The following PMP2 variants were observed in gnomAD, a reference collection of about 807,000 sequenced individuals.
The protein encoded by PMP2 is peripheral myelin protein 2.
In PMP2, 11 loss-of-function variants were observed where a neutral mutation model predicts 15.9. The ratio of observed to expected loss-of-function variants is 0.69; its 90% CI spans 0.44 to 1.14. The LOEUF (loss-of-function observed/expected upper bound fraction) is 1.14. PMP2 is among the 50% of genes most tolerant of loss of function. The pLI, the probability that PMP2 is intolerant of heterozygous loss-of-function variation, is 0.00. For missense variants in PMP2, 151 were observed against 154.0 expected (o/e 0.98, Z 0.10); for synonymous variants, 55 against 54.1 (o/e 1.02, Z -0.07).
At position 81,442,029 on chromosome 8, in the gene PMP2, C is replaced by A. The variant is rs918796792; in HGVS notation, c.*1369G>T. 6.6e-6 allele frequency: 1 copy of A among 152,076 alleles called. No individual in the cohort carries two copies. The allele number at this position is 152,076 out of a possible 1,614,324, so 9.4% of individuals were successfully genotyped here. A position where few individuals can be genotyped will look rare whatever the true frequency, so the allele number is the denominator to read the frequency against. Reference sequence around the variant, plus strand: ...TAGTAAATATATGCATGTGTATACACACACGCACATAAATGCATGTGTATT... The same window carrying A: ...TAGTAAATATATGCATGTGTATACAAACACGCACATAAATGCATGTGTATT... On this transcript the variant is annotated 3_prime_UTR_variant, in exon 4 of 4. Coordinates refer to ENST00000256103, the MANE Select transcript of PMP2 (RefSeq NM_002677.5).
intron 3 of PMP2, 23 bp from the exon 4 acceptor site, chr8:81,443,471 T>G (rs1807393071): frequency 4.6e-6 from 7 of 1,528,786 alleles, no homozygotes; most frequent in Middle Eastern, 1.7e-4. Flanking sequence ...AGAGGTTAAT[T>G]GAGTATCTCA....
rs1379866253 is a variant in PMP2, at chr8:81,442,234, C to CCATCAACATCAACATGTTTTCT, written c.*1142_*1163dup. 1 of 152,406 alleles carries CCATCAACATCAACATGTTTTCT rather than the reference C, an allele frequency of 6.6e-6. No individual in the cohort carries two copies. Among genetic ancestry groups the CCATCAACATCAACATGTTTTCT allele is most frequent in the Non-Finnish European group, 1.5e-5 (1 of 67,934 alleles). 9.4% of individuals were successfully genotyped at this position (152,406 alleles called of 1,614,324 possible). On this transcript the variant is annotated 3_prime_UTR_variant, in exon 4 of 4. Coordinates refer to ENST00000256103, the MANE Select transcript of PMP2 (RefSeq NM_002677.5). ...TTTTCCATAGTGAACATCCTGACTC[C>CCATCAACATCAACATGTTTTCT]CATCAACATCAACATGTTTTCTCAT...
At position 81,444,989 on chromosome 8, in the gene PMP2, C is replaced by T. The variant is rs376781525; in HGVS notation, c.74G>A (p.Gly25Asp). Residue 25 changes from glycine to aspartate, a missense_variant and splice_region_variant, in exon 2 of 4, where the codon GGT (glycine) becomes GAT (aspartate). Coordinates refer to ENST00000256103, the MANE Select transcript of PMP2 (RefSeq NM_002677.5). Reference protein sequence around the residue: ...ENFDDYMKALGVGLATRKLGN... With the variant: ...ENFDDYMKALDVGLATRKLGN... Reference sequence around the variant, plus strand: ...CAGTTTTCTGGTGGCTAACCCCACACCTGAAAATTAAGATAGTGTTAGAAT... The same window carrying T: ...CAGTTTTCTGGTGGCTAACCCCACATCTGAAAATTAAGATAGTGTTAGAAT... 3.7e-6 allele frequency: 6 copies of T among 1,611,478 alleles called. No homozygotes were observed. The African/African-American group carries it at 4.0e-5, about 11-fold the overall frequency.
At chr8:81,446,455 A>C (rs1278614315) in intron 1 of PMP2, among the ~76,000 whole-genome samples, 3 of 152,168 alleles carry the variant, frequency 2.0e-5, no homozygotes, top group Non-Finnish European at 4.4e-5. Context: ...TTTTATCTAA[A>C]ATAGAACATT....
In PMP2 at chr8:81,440,786, T is replaced by A. The variant is rs1586348527; in HGVS notation, c.*2612A>T. 1 of 152,232 alleles carries A rather than the reference T, an allele frequency of 6.6e-6. No individual in the cohort carries two copies. The highest frequency in any genetic ancestry group is 2.4e-5 in the African/African-American group (1 of 41,464). The allele number at this position is 152,232 out of a possible 1,614,324, so 9.4% of individuals were successfully genotyped here. The stretch of plus-strand genomic sequence containing the variant: ...TTGTGTGTACTGTTGCACATGCAAA[T>A]GCACACAAATATATGTTTCTGAATT... On this transcript the variant is annotated 3_prime_UTR_variant, in exon 4 of 4. Transcript: ENST00000256103.
intron 3 of PMP2, among the ~76,000 whole-genome samples, chr8:81,444,149 G>C (rs1279868417): frequency 2.0e-5 from 3 of 152,160 alleles, no homozygotes; most frequent in Non-Finnish European, 4.4e-5. Context: ...TTTGCAAATA[G>C]TCTACAAAAT....
chr8:81,444,439 C>CA (rs1289967942), intron 3 of PMP2, 61 bp downstream of exon 3: 2 of 1,024,662 alleles, frequency 2.0e-6, no homozygotes, highest in African/African-American at 3.2e-5. Flanking sequence ...ATTTTGAAAA[C>CA]AATATAATCA....
At position 81,442,703 on chromosome 8, in the gene PMP2, A is replaced by T. The variant is rs964224612; in HGVS notation, c.*695T>A. ...AACCAAACCACTACTTGCTTTTGGT[A>T]GGGGTGGAACAGAAAAGGACACTGA... On this transcript the variant is annotated 3_prime_UTR_variant, in exon 4 of 4. Coordinates refer to ENST00000256103, the MANE Select transcript of PMP2 (RefSeq NM_002677.5). The T allele has an allele frequency of 1.3e-5, 2 of 152,084 alleles. No homozygotes were observed. The highest frequency in any genetic ancestry group is 2.9e-5 in the Non-Finnish European group (2 of 67,946). The allele number at this position is 152,084 out of a possible 1,614,324, so 9.4% of individuals were successfully genotyped here.
Position 81,443,338 on chromosome 8 carries a change from G to T in PMP2, c.*60C>A. 2 of 1,163,236 alleles carry T rather than the reference G, an allele frequency of 1.7e-6. No homozygotes were observed. Among genetic ancestry groups the T allele is most frequent in the Non-Finnish European group, 2.5e-6 (2 of 790,792 alleles). 72.1% of individuals were successfully genotyped at this position (1,163,236 alleles called of 1,614,324 possible). On this transcript the variant is annotated 3_prime_UTR_variant, in exon 4 of 4. Transcript: ENST00000256103. ...TTGCAGTGTATTCAGTTTTGTCAAT[G>T]GAAGCAATTGATTTCCATCATTAAA...
chr8:81,445,409 G>C (rs1489510133), intron 1 of PMP2, among the ~76,000 whole-genome samples: 2 of 152,054 alleles, frequency 1.3e-5, no homozygotes, highest in African/African-American at 4.8e-5. Context: ...ATTTTTAGTA[G>C]AGACGGGGTT....
intron 1 of PMP2, among the ~76,000 whole-genome samples, chr8:81,445,203 T>C (rs1313338997): frequency 6.6e-6 from 1 of 152,106 alleles, no homozygotes; most frequent in African/African-American, 2.4e-5. Flanking sequence ...AAGTAAAGTC[T>C]GCAGATTTTC....
At chr8:81,445,208 A>G (rs75978063) in intron 1 of PMP2, among the ~76,000 whole-genome samples, 1 of 150,224 alleles carries the variant, frequency 6.7e-6, no homozygotes, top group African/African-American at 2.5e-5. Context: ...AAGTCTGCAG[A>G]TTTTCTTTTT....
intron 1 of PMP2, among the ~76,000 whole-genome samples, chr8:81,446,508 T>C (rs1807452289): frequency 6.6e-6 from 1 of 152,224 alleles, no homozygotes; most frequent in South Asian, 2.1e-4. Context: ...TGTAGGCACT[T>C]TGACAAGCAC....
Position 81,444,865 on chromosome 8 carries a change from C to T in PMP2, c.198G>A (p.Lys66=). ...TGGTTTCTTCAAATTCCTGGCCTAG[C>T]TTGAAGGAGATTTCTGTATTTTTAA... The part of the protein sequence containing the change: ...STFKNTEISF[K]LGQEFEETTA... The change falls in exon 2 of 4, where the codon AAG becomes AAA. Residue 66 remains lysine, a synonymous_variant. Coordinates refer to ENST00000256103, the MANE Select transcript of PMP2 (RefSeq NM_002677.5). 1 of 1,613,832 alleles carries T rather than the reference C, an allele frequency of 6.2e-7. No individual in the cohort carries two copies.
rs1308429985 is a variant in PMP2, at chr8:81,443,463, A to G, written c.349-15T>C. On this transcript the variant is annotated splice_polypyrimidine_tract_variant and intron_variant, in intron 3 of 3. Transcript: ENST00000256103. ...ATTTTACATTCCTTAAAAAAGAGAGAGGTTAATTGAGTATCTCAAGTTCAA... is the reference window on the plus strand; with the variant it reads ...ATTTTACATTCCTTAAAAAAGAGAGGGGTTAATTGAGTATCTCAAGTTCAA... The G allele has an allele frequency of 2.6e-6, 4 of 1,559,912 alleles. No homozygotes were observed. Among genetic ancestry groups the G allele is most frequent in the Non-Finnish European group, 3.5e-6 (4 of 1,141,958 alleles).
In PMP2 at chr8:81,440,979, T is replaced by C. The variant is rs946417017; in HGVS notation, c.*2419A>G. ...CTAACATTGTCCTTTGGAGCACTTATGTTACCTCTGGTACAGAATCCAGTC... is the reference window on the plus strand; with the variant it reads ...CTAACATTGTCCTTTGGAGCACTTACGTTACCTCTGGTACAGAATCCAGTC... On this transcript the variant is annotated 3_prime_UTR_variant, in exon 4 of 4. Transcript: ENST00000256103. 1.3e-5 allele frequency: 2 copies of C among 152,238 alleles called. No homozygotes were observed. The highest frequency in any genetic ancestry group is 4.8e-5 in the African/African-American group (2 of 41,470). 9.4% of individuals were successfully genotyped at this position (152,238 alleles called of 1,614,324 possible).
chr8:81,443,936 G>T (rs1186269956), intron 3 of PMP2, among the ~76,000 whole-genome samples: 3 of 151,964 alleles, frequency 2.0e-5, no homozygotes, highest in Admixed American at 1.3e-4. Context: ...TTCAATGTAT[G>T]TGTTAATTAG....
At chr8:81,446,857 G>T (rs1192151572) in intron 1 of PMP2, among the ~76,000 whole-genome samples, 1 of 152,188 alleles carries the variant, frequency 6.6e-6, no homozygotes, top group African/African-American at 2.4e-5. Flanking sequence ...GGACAACCTA[G>T]AGGTAGAGAG....
intron 1 of PMP2, among the ~76,000 whole-genome samples, chr8:81,445,897 AT>A (rs1182611163): frequency 4.6e-5 from 7 of 152,268 alleles, no homozygotes; most frequent in African/African-American, 1.7e-4. Flanking sequence ...GAAATAAAAT[AT>A]TTTTTAAAAA....
Sources: gnomAD v4.1 joint callset for allele counts (sites outside exome capture counted in the v4.1 genomes callset) on GRCh38, gnomAD v4.1.1 for gene constraint, MANE v1.5 for transcripts, NCBI Gene and HGNC (gene_info 2026-07-23, HGNC 2026-07-21) for gene names.